The following ZNF385C variants were observed in gnomAD, a reference collection of about 807,000 sequenced individuals.
The protein encoded by ZNF385C is CTD-2132N18.2.
In ZNF385C, 28 loss-of-function variants were observed where a neutral mutation model predicts 35.4. That is an observed-to-expected ratio of 0.79 (90% confidence interval 0.59 to 1.08). The LOEUF is 1.08. Among genes scored for constraint, ZNF385C ranks in the 50% least tolerant of loss-of-function variants. The pLI is 0.00. For synonymous variants in ZNF385C, 248 were observed against 248.2 expected (o/e 1.00, Z 0.01); for missense variants, 605 against 595.6 (o/e 1.02, Z -0.16).
intron 2 of ZNF385C, among the ~76,000 whole-genome samples, chr17:42,043,974 A>G (rs1555656366): frequency 6.6e-6 from 1 of 151,900 alleles, no homozygotes; most frequent in African/African-American, 2.4e-5. Flanking sequence ...CTCAACTCCT[A>G]GCCCAAAAGA....
intron 4 of ZNF385C, among the ~76,000 whole-genome samples, chr17:42,033,251 C>A (rs547957664): frequency 6.6e-6 from 1 of 152,314 alleles, no homozygotes; most frequent in South Asian, 2.1e-4. Context: ...GGTAGACCTT[C>A]CCTGGGAGGC....
At chr17:42,065,726 G>A (rs112941663) in intron 1 of ZNF385C, among the ~76,000 whole-genome samples, 7 of 151,818 alleles carry the variant, frequency 4.6e-5, no homozygotes, top group African/African-American at 1.7e-4. Context: ...ACAGGGTCTC[G>A]CTATGTTGCC....
chr17:42,044,739 T>C (rs2053113981), intron 2 of ZNF385C, among the ~76,000 whole-genome samples: 1 of 152,126 alleles, frequency 6.6e-6, no homozygotes, highest in Non-Finnish European at 1.5e-5. Context: ...CTCACACTCA[T>C]ACCCATTGGT....
intron 1 of ZNF385C, among the ~76,000 whole-genome samples, chr17:42,067,766 G>A (rs943480443): frequency 2.8e-4 from 43 of 152,294 alleles, no homozygotes; most frequent in African/African-American, 9.1e-4. Flanking sequence ...GGAGGAGGCA[G>A]GAAGAAGGTC....
At chr17:42,061,250 T>G (rs1456215025) in intron 2 of ZNF385C, 1 of 116,594 alleles carries the variant, frequency 8.6e-6, no homozygotes, top group Admixed American at 1.2e-4. Context: ...AGACAGGGTC[T>G]CACTCTGTCA....
chr17:42,056,749 A>T (rs982402240), intron 2 of ZNF385C, among the ~76,000 whole-genome samples: 9 of 152,096 alleles, frequency 5.9e-5, no homozygotes, highest in Admixed American at 2.0e-4. Flanking sequence ...ACGAGATCTG[A>T]TGGGTTTATG....
intron 1 of ZNF385C, among the ~76,000 whole-genome samples, chr17:42,084,462 C>G (rs1199897246): frequency 6.6e-6 from 1 of 151,938 alleles, no homozygotes; most frequent in Non-Finnish European, 1.5e-5. Context: ...CTAAATTAAG[C>G]CTTTTTAAAC....
chr17:42,043,115 C>T (rs1598186555), intron 2 of ZNF385C: 1 of 1,232,250 alleles, frequency 8.1e-7, no homozygotes, highest in African/African-American at 1.5e-5. Flanking sequence ...ACAGCCAGAG[C>T]CTGGCGGTGG....
chr17:42,060,157 C>G (rs1274497918), intron 2 of ZNF385C, among the ~76,000 whole-genome samples: 1 of 152,172 alleles, frequency 6.6e-6, no homozygotes, highest in Non-Finnish European at 1.5e-5. Context: ...TTTCTGATAA[C>G]TGAGCTGCCC....
chr17:42,050,020 T>C lies in ZNF385C; in HGVS notation c.251-12135A>G, dbSNP rs1214126141. Among the ~76,000 whole-genome samples the C allele has an allele frequency of 6.6e-6, 1 of 152,154 alleles. No homozygotes were observed. The highest frequency in any genetic ancestry group is 1.5e-5 in the Non-Finnish European group (1 of 68,026). On this transcript the variant is annotated intron_variant, in intron 2 of 8. Transcript: ENST00000692273. This position sits in a 1 kb window ranked among gnomAD's most constrained non-coding sequence, Gnocchi z 5.6. ...AAATTCCATTGACATTCTCCCCACC[T>C]CAACCTCAAGGAAACAGGCTGAGTG...
rs1555654206 is a variant in ZNF385C at position 42,026,682 on chromosome 17, C to A, written c.*215G>T. 3.3e-6 allele frequency: 2 copies of A among 600,814 alleles called. No individual in the cohort carries two copies. Among genetic ancestry groups the A allele is most frequent in the Non-Finnish European group, 5.9e-6 (2 of 337,950 alleles). The allele number at this position is 600,814 out of a possible 1,614,324, so 37.2% of individuals were successfully genotyped here. A position where few individuals can be genotyped will look rare whatever the true frequency, so the allele number is the denominator to read the frequency against. On this transcript the variant is annotated 3_prime_UTR_variant, in exon 9 of 9. Coordinates refer to ENST00000692273, the MANE Select transcript of ZNF385C (RefSeq NM_001392013.1). ...GGTCTGTCAGGGTGGGAAATGCAGGCAAGCCTAGGATTAACCCTGGAAGGC... is the reference window on the plus strand; with the variant it reads ...GGTCTGTCAGGGTGGGAAATGCAGGAAAGCCTAGGATTAACCCTGGAAGGC...
chr17:42,056,233 A>G (rs1192128465), intron 2 of ZNF385C, among the ~76,000 whole-genome samples: 1 of 152,218 alleles, frequency 6.6e-6, no homozygotes, highest in Non-Finnish European at 1.5e-5. Flanking sequence ...TTAAGAAGCT[A>G]GTCTCCCCAT....
intron 1 of ZNF385C, among the ~76,000 whole-genome samples, chr17:42,080,268 CA>C (rs1439146411): frequency 9.2e-5 from 14 of 152,168 alleles, no homozygotes; most frequent in African/African-American, 3.4e-4. Context: ...GGACCTTGGC[CA>C]CCTTTCCTCT....
At chr17:42,066,354 C>A (rs1239896885) in intron 1 of ZNF385C, among the ~76,000 whole-genome samples, 1 of 152,108 alleles carries the variant, frequency 6.6e-6, no homozygotes, top group Admixed American at 6.6e-5. Flanking sequence ...CACTGGTGCC[C>A]GGCCAATCAG....
At chr17:42,073,494 C>T (rs2053653087) in intron 1 of ZNF385C, among the ~76,000 whole-genome samples, 1 of 152,032 alleles carries the variant, frequency 6.6e-6, no homozygotes, top group Non-Finnish European at 1.5e-5. Context: ...GAAGTGGGCA[C>T]CAAATGGGAG....
chr17:42,079,187 C>CAAAAAAAA (rs141880528), intron 1 of ZNF385C, among the ~76,000 whole-genome samples: 1 of 114,010 alleles, frequency 8.8e-6, no homozygotes, highest in African/African-American at 3.5e-5. Context: ...CCCTGTCTCG[C>CAAAAAAAA]AAAAAAAAAA....
chr17:42,027,215 T>C (rs1194142504), intron 8 of ZNF385C, 82 bp from the exon 9 acceptor site: 1 of 1,298,538 alleles, frequency 7.7e-7, no homozygotes, highest in South Asian at 1.2e-5. Flanking sequence ...TCAAGCTTTT[T>C]GCTGCAGGGA....
chr17:42,086,178 G>A (rs1555660119), intron 1 of ZNF385C, among the ~76,000 whole-genome samples: 1 of 151,954 alleles, frequency 6.6e-6, no homozygotes, highest in Non-Finnish European at 1.5e-5. Flanking sequence ...GATCACCTGA[G>A]GTCAGGGGTT....
At chr17:42,069,062 G>A (rs1309071271) in intron 1 of ZNF385C, among the ~76,000 whole-genome samples, 1 of 152,224 alleles carries the variant, frequency 6.6e-6, no homozygotes. Context: ...CTGTCTGTCT[G>A]GGATTTCTAC....
Sources: gnomAD v4.1 joint callset for allele counts (sites outside exome capture counted in the v4.1 genomes callset) on GRCh38, gnomAD v4.1.1 for gene constraint, Gnocchi (gnomAD v3.1) non-coding constraint, MANE v1.5 for transcripts, NCBI Gene and HGNC (gene_info 2026-07-23, HGNC 2026-07-21) for gene names.